Variants in TRHDE observed in about 807,000 individuals in gnomAD.
TRHDE encodes thyrotropin releasing hormone degrading enzyme.
TRHDE carries 72 observed loss-of-function variants against 125.7 expected under a neutral mutation model. That is an observed-to-expected ratio of 0.57 (90% CI 0.47 to 0.70). The LOEUF (loss-of-function observed/expected upper bound fraction) is 0.70. Among genes scored for constraint, TRHDE ranks in the 30% least tolerant of loss-of-function variants. The pLI is 0.00. For missense variants in TRHDE, 1,110 were observed against 1,327.1 expected (o/e 0.84, Z 2.54); for synonymous variants, 509 against 509.1 (o/e 1.00, Z 0.00).
At chr12:72,190,519 G>A (rs1877316777) in intron 2 of TRHDE, among the ~76,000 whole-genome samples, 1 of 152,214 alleles carries the variant, frequency 6.6e-6, no homozygotes, top group Non-Finnish European at 1.5e-5. Flanking sequence ...AGAAGCTAAG[G>A]AATTCAGGAA....
intron 2 of TRHDE, among the ~76,000 whole-genome samples, chr12:72,174,533 A>G (rs1422784382): frequency 6.6e-6 from 1 of 152,146 alleles, no homozygotes; most frequent in Non-Finnish European, 1.5e-5. Flanking sequence ...ATGCTCTACA[A>G]TTAGCTGTCA....
At chr12:72,582,197 AT>A in intron 12 of TRHDE, 2 of 960,560 alleles carry the variant, frequency 2.1e-6, no homozygotes, top group Non-Finnish European at 2.5e-6. Flanking sequence ...AAGTTAAAAA[AT>A]AATACGCTTT....
chr12:72,364,173 T>C (rs1871247042), intron 2 of TRHDE, among the ~76,000 whole-genome samples: 1 of 151,992 alleles, frequency 6.6e-6, no homozygotes, highest in Admixed American at 6.6e-5. Flanking sequence ...GAATAATCAA[T>C]ATCATGAAAA....
intron 2 of TRHDE, among the ~76,000 whole-genome samples, chr12:72,152,997 T>G (rs948725763): frequency 2.0e-5 from 3 of 152,244 alleles, no homozygotes; most frequent in African/African-American, 7.2e-5. Flanking sequence ...GTACCTCTGG[T>G]AGAATTCGGC....
intron 5 of TRHDE, among the ~76,000 whole-genome samples, chr12:72,478,809 G>T (rs1410534488): frequency 6.7e-6 from 1 of 148,594 alleles, no homozygotes; most frequent in East Asian, 2.0e-4. Flanking sequence ...AATTAAACTA[G>T]AACTCTAAGT....
upstream of TRHDE, among the ~76,000 whole-genome samples, chr12:72,267,956 CACA>C (rs10609526): frequency 0.22 from 33,811 of 151,760 alleles, 5,305 homozygotes; most frequent in African/African-American, 0.45. Context: ...TATGAAACCC[CACA>C]ACAACATCAA....
At chr12:72,640,553 T>A (rs965885377) in intron 15 of TRHDE, among the ~76,000 whole-genome samples, 1 of 152,010 alleles carries the variant, frequency 6.6e-6, no homozygotes, top group Admixed American at 6.5e-5. Flanking sequence ...TGTTTCTTTA[T>A]CAAATTATAG....
intron 15 of TRHDE, among the ~76,000 whole-genome samples, chr12:72,648,624 C>T (rs575123003): frequency 2.0e-5 from 3 of 151,928 alleles, no homozygotes; most frequent in Admixed American, 6.6e-5. Flanking sequence ...AAAAGTAACT[C>T]AGGAAAGCAA....
intron 15 of TRHDE, among the ~76,000 whole-genome samples, chr12:72,650,330 A>G (rs1874454905): frequency 1.3e-5 from 2 of 152,172 alleles, no homozygotes; most frequent in African/African-American, 4.8e-5. Context: ...AGTGAAGCTT[A>G]TGAAATTAAA....
intron 3 of TRHDE, among the ~76,000 whole-genome samples, chr12:72,456,932 A>G (rs1406116785): frequency 2.0e-5 from 3 of 152,196 alleles, no homozygotes; most frequent in African/African-American, 4.8e-5. Context: ...GAAAAAAATC[A>G]TTGAATAGAA....
At chr12:72,474,172 A>C (rs74103370) in intron 5 of TRHDE, among the ~76,000 whole-genome samples, 2,079 of 152,200 alleles carry the variant, frequency 0.014, 43 homozygotes, top group African/African-American at 0.048. Flanking sequence ...GAGTTTGGAG[A>C]TAAGTGTACA....
Position 72,467,258 on chromosome 12 carries a change from G to A in TRHDE, c.1316-2500G>A, listed in dbSNP as rs565720659. 3.9e-4 allele frequency among the ~76,000 whole-genome samples: 56 copies of A among 145,192 alleles called. No individual in the cohort carries two copies. In the South Asian group the frequency reaches 8.7e-3, roughly 23 times the overall value. On this transcript the variant is annotated intron_variant, in intron 3 of 18. Coordinates refer to ENST00000261180, the MANE Select transcript of TRHDE (RefSeq NM_013381.3). ...CTCCCCCCACCCCACAACAGGCCCT[G>A]GTATACGATGTTCCCCTTCCTGTGT... is the stretch of plus-strand genomic sequence containing the variant.
intron 1 of TRHDE, among the ~76,000 whole-genome samples, chr12:72,278,465 T>A (rs1879573115): frequency 6.6e-6 from 1 of 152,208 alleles, no homozygotes; most frequent in Non-Finnish European, 1.5e-5. Context: ...AGTAGTGGGA[T>A]TGCCAGATCA....
At position 72,497,415 on chromosome 12, in the gene TRHDE, T is replaced by C. The variant is rs560591274; in HGVS notation, c.1585-2083T>C. 3.0e-4 allele frequency among the ~76,000 whole-genome samples: 45 copies of C among 152,304 alleles called. No homozygotes were observed. In the East Asian group the frequency reaches 8.5e-3, roughly 29 times the overall value. On this transcript the variant is annotated intron_variant, in intron 5 of 18. Coordinates refer to ENST00000261180, the MANE Select transcript of TRHDE (RefSeq NM_013381.3). ...TTTAATATTGATCAATATGTATTTA[T>C]TGTTATCAAATATTAAAATTAAGGT... is the stretch of plus-strand genomic sequence containing the variant.
chr12:72,155,018 C>A (rs1381366593), intron 2 of TRHDE, among the ~76,000 whole-genome samples: 1 of 152,242 alleles, frequency 6.6e-6, no homozygotes, highest in Admixed American at 6.5e-5. Flanking sequence ...CTCCCCGTCA[C>A]TTTCAGGTAC....
chr12:72,104,685 G>A (rs1268438552), intron 1 of TRHDE, among the ~76,000 whole-genome samples: 1 of 152,168 alleles, frequency 6.6e-6, no homozygotes, highest in Admixed American at 6.6e-5. Context: ...GCTGAAAATA[G>A]CCTGGCTGTG....
intron 2 of TRHDE, among the ~76,000 whole-genome samples, chr12:72,109,261 C>T (rs1875262259): frequency 6.6e-6 from 1 of 151,984 alleles, no homozygotes; most frequent in Admixed American, 6.6e-5. Flanking sequence ...CCTGTTACGT[C>T]TAAAGCTTAT....
At chr12:72,515,773 A>G (rs1042341624) in intron 6 of TRHDE, among the ~76,000 whole-genome samples, 1 of 152,018 alleles carries the variant, frequency 6.6e-6, no homozygotes, top group African/African-American at 2.4e-5. Context: ...TTATGGTTTT[A>G]GGTCTAATGT....
At chr12:72,581,884 C>T (rs1314651775) in intron 12 of TRHDE, among the ~76,000 whole-genome samples, 6 of 151,730 alleles carry the variant, frequency 4.0e-5, no homozygotes, top group East Asian at 1.9e-4. Context: ...GGGCAGATCA[C>T]GAGGTCAGGA....
Sources: allele counts gnomAD v4.1 joint callset (sites outside exome capture counted in the v4.1 genomes callset), GRCh38; gene constraint gnomAD v4.1.1; transcripts MANE v1.5; gene names NCBI Gene and HGNC (gene_info 2026-07-23, HGNC 2026-07-21).